CWC27: variants seen among roughly 807,000 people sequenced by gnomAD.
CWC27 encodes the protein CWC27 spliceosome associated cyclophilin.
Under a neutral mutation model 63.6 loss-of-function variants are expected in CWC27, and 47 were observed. The observed-to-expected ratio is 0.74, with a 90% CI of 0.58 to 0.94. The LOEUF is 0.94. Ranked by LOEUF, CWC27 falls within the 40% of genes least tolerant of loss-of-function variation. The pLI is 0.00. For synonymous variants in CWC27, 175 were observed against 179.8 expected, an observed-to-expected ratio of 0.97 and a Z score of 0.22; for missense variants, 495 against 554.3, an observed-to-expected ratio of 0.89 and a Z score of 1.07.
chr5:64,825,899 A>C (rs1019422672), intron 10 of CWC27, among the ~76,000 whole-genome samples: 4 of 152,200 alleles, frequency 2.6e-5, no homozygotes, highest in African/African-American at 9.6e-5. Flanking sequence ...CAATCATTTG[A>C]AAGTCCAAAG....
At chr5:64,826,256 GTTATTTAGAAGT>G (rs1399872890) in intron 10 of CWC27, among the ~76,000 whole-genome samples, 1 of 152,064 alleles carries the variant, frequency 6.6e-6, no homozygotes, top group Non-Finnish European at 1.5e-5. Flanking sequence ...TGACCTGTGG[GTTATTTAGAAGT>G]ATGCTGTTTA....
chr5:64,781,432 A>G (rs1333311576), intron 2 of CWC27, among the ~76,000 whole-genome samples: 2 of 152,134 alleles, frequency 1.3e-5, no homozygotes, highest in African/African-American at 2.4e-5. Flanking sequence ...GAAATAAGGT[A>G]TTTATCTTTG....
At chr5:64,851,447 A>G (rs915155002) in intron 10 of CWC27, among the ~76,000 whole-genome samples, 4 of 152,142 alleles carry the variant, frequency 2.6e-5, no homozygotes, top group African/African-American at 9.7e-5. Flanking sequence ...TACAGGAGTG[A>G]TATGTTGTTG....
chr5:64,902,346 A>T (rs1747528626), intron 11 of CWC27, among the ~76,000 whole-genome samples: 1 of 152,184 alleles, frequency 6.6e-6, no homozygotes, highest in South Asian at 2.1e-4. Flanking sequence ...TTATGACACC[A>T]CCTTTGTGTT....
intron 2 of CWC27, among the ~76,000 whole-genome samples, chr5:64,778,968 T>A (rs1202069009): frequency 6.6e-6 from 1 of 152,208 alleles, no homozygotes; most frequent in Non-Finnish European, 1.5e-5. Context: ...AAAATATGCA[T>A]TGTATATCCA....
chr5:64,771,760 G>A (rs1743262971), intron 1 of CWC27, among the ~76,000 whole-genome samples: 1 of 152,154 alleles, frequency 6.6e-6, no homozygotes, highest in African/African-American at 2.4e-5. Flanking sequence ...AGCCAAGGAG[G>A]CCTACAAAGT....
chr5:64,820,255 C>A (rs1745157104), intron 10 of CWC27, among the ~76,000 whole-genome samples: 1 of 152,128 alleles, frequency 6.6e-6, no homozygotes, highest in Non-Finnish European at 1.5e-5. Flanking sequence ...ATATACTATG[C>A]CAAAGGGCAC....
intron 10 of CWC27, among the ~76,000 whole-genome samples, chr5:64,811,639 C>T (rs1045876442): frequency 2.6e-5 from 4 of 151,868 alleles, no homozygotes; most frequent in Admixed American, 2.6e-4. Flanking sequence ...TACTTATATG[C>T]CATGTTTAGT....
At chr5:64,939,003 C>A (rs888760722) in intron 11 of CWC27, among the ~76,000 whole-genome samples, 4 of 152,126 alleles carry the variant, frequency 2.6e-5, no homozygotes, top group African/African-American at 9.7e-5. Flanking sequence ...GTTAGCAATT[C>A]TTCTAACCTT....
intron 10 of CWC27, among the ~76,000 whole-genome samples, chr5:64,879,153 G>T (rs1229484067): frequency 3.3e-5 from 5 of 151,944 alleles, no homozygotes; most frequent in Non-Finnish European, 7.4e-5. Context: ...CTAGAAGGTG[G>T]GCTTGACAAC....
intron 11 of CWC27, among the ~76,000 whole-genome samples, chr5:64,916,885 T>TTAGTATTAGTAGTAGTAG (rs777253798): frequency 8.1e-4 from 116 of 144,066 alleles, no homozygotes; most frequent in African/African-American, 2.9e-3. Flanking sequence ...AGTAGTAGTA[T>TTAGTATTAGTAGTAGTAG]TAGTAGTAGT....
intron 2 of CWC27, among the ~76,000 whole-genome samples, chr5:64,780,338 T>C (rs1743622863): frequency 6.7e-6 from 1 of 148,988 alleles, no homozygotes; most frequent in Non-Finnish European, 1.5e-5. Flanking sequence ...ACCTGTTGGC[T>C]CTTGTGAATA....
rs1228190267 is a variant in CWC27, at chr5:64,786,520, A to G, written c.496-4A>G. 3.3e-6 allele frequency: 5 copies of G among 1,513,382 alleles called. No homozygotes were observed. Among genetic ancestry groups the G allele is most frequent in the South Asian group, 2.5e-5 (2 of 78,778 alleles). 93.7% of individuals were successfully genotyped at this position (1,513,382 alleles called of 1,614,324 possible). The stretch of plus-strand genomic sequence containing the variant: ...TAATGTTTTCGAAATATTTTTTTTC[A>G]TAGGTTTTGTTTAATCCTTTTGATG... On this transcript the variant is annotated splice_polypyrimidine_tract_variant and splice_region_variant and intron_variant, in intron 5 of 13. Transcript: ENST00000381070.
At chr5:65,013,432 TG>T (rs1179350100) in intron 13 of CWC27, among the ~76,000 whole-genome samples, 1 of 152,348 alleles carries the variant, frequency 6.6e-6, no homozygotes, top group Non-Finnish European at 1.5e-5. Context: ...TCACCATGTT[TG>T]GCACCGGGAA....
At chr5:64,975,015 T>G (rs77243377) in intron 12 of CWC27, among the ~76,000 whole-genome samples, 1 of 152,216 alleles carries the variant, frequency 6.6e-6, no homozygotes, top group Non-Finnish European at 1.5e-5. Flanking sequence ...TAACATACTC[T>G]GCAGCCCTCA....
intron 11 of CWC27, among the ~76,000 whole-genome samples, chr5:64,967,453 G>A (rs1159183857): frequency 6.6e-6 from 1 of 151,882 alleles, no homozygotes; most frequent in African/African-American, 2.4e-5. Flanking sequence ...GAAAGGCAAA[G>A]GAACAAAAAT....
intron 10 of CWC27, among the ~76,000 whole-genome samples, chr5:64,822,438 T>G (rs1229186146): frequency 6.6e-6 from 1 of 152,210 alleles, no homozygotes; most frequent in Admixed American, 6.6e-5. Context: ...TCTGCATGTA[T>G]GCAAGTAGCA....
At chr5:64,838,360 A>G (rs1745713062) in intron 10 of CWC27, among the ~76,000 whole-genome samples, 1 of 152,202 alleles carries the variant, frequency 6.6e-6, no homozygotes, top group Non-Finnish European at 1.5e-5. Flanking sequence ...ATAGAGATAA[A>G]CAGCTGCTAA....
chr5:65,012,234 T>C (rs1165082358), intron 13 of CWC27, among the ~76,000 whole-genome samples: 2 of 152,182 alleles, frequency 1.3e-5, no homozygotes, highest in Non-Finnish European at 2.9e-5. Context: ...GGATGAAAGT[T>C]TTGTTACCTC....
Sources: allele counts gnomAD v4.1 joint callset (sites outside exome capture counted in the v4.1 genomes callset), GRCh38; gene constraint gnomAD v4.1.1; transcripts MANE v1.5; gene names NCBI Gene and HGNC (gene_info 2026-07-23, HGNC 2026-07-21).